Variants in HHLA2 observed in about 807,000 individuals in gnomAD.
The protein encoded by HHLA2 is HERV-H LTR-associating protein 2.
A neutral mutation model predicts 45.9 loss-of-function variants in HHLA2; 48 were observed. The observed-to-expected ratio is 1.05, with a 90% confidence interval of 0.83 to 1.33. HHLA2 has a LOEUF of 1.33. Ranked by LOEUF, HHLA2 falls within the 40% of genes most tolerant of loss-of-function variation. HHLA2 has a pLI of 0.00. For missense variants in HHLA2, 462 were observed against 494.3 expected (o/e 0.93, Z 0.62); for synonymous variants, 161 against 173.9 (o/e 0.93, Z 0.59).
chr3:108,300,857 T>G (rs540779853), intron 1 of HHLA2, among the ~76,000 whole-genome samples: 79 of 152,312 alleles, frequency 5.2e-4, no homozygotes, highest in African/African-American at 1.9e-3. Flanking sequence ...ATTTTAATAA[T>G]GCTGTCATAT....
At chr3:108,350,871 G>C (rs901850739) in intron 3 of HHLA2, among the ~76,000 whole-genome samples, 3 of 152,110 alleles carry the variant, frequency 2.0e-5, no homozygotes, top group African/African-American at 7.2e-5. Context: ...TTTTAGTAGA[G>C]ACAAGGTTTC....
intron 8 of HHLA2, among the ~76,000 whole-genome samples, chr3:108,363,733 C>T (rs2107488424): frequency 6.6e-6 from 1 of 152,248 alleles, no homozygotes; most frequent in East Asian, 1.9e-4. Context: ...GGTGCTACAT[C>T]CTACTCAAGA....
rs543068716 is a variant in HHLA2 at position 108,347,602 on chromosome 3, T to A, written c.-26-4186T>A. Reference sequence around the variant, plus strand: ...TAGAATGACTTCTTTTTTTAAAAAATATGACTCCTGACTGCTGTATTGACA... The same window carrying A: ...TAGAATGACTTCTTTTTTTAAAAAAAATGACTCCTGACTGCTGTATTGACA... On this transcript the variant is annotated intron_variant, in intron 3 of 10. Coordinates refer to ENST00000619531, the Ensembl canonical transcript of HHLA2. Among the ~76,000 whole-genome samples, 207 of 152,214 alleles carry A rather than the reference T, an allele frequency of 1.4e-3. 1 individual carries two copies. Among genetic ancestry groups the A allele is most frequent in the Admixed American group, 3.1e-3 (48 of 15,292 alleles).
At chr3:108,377,294 T>A (rs777242133) in exon 11 of HHLA2, 1 of 1,568,368 alleles carries the variant, frequency 6.4e-7, no homozygotes, top group South Asian at 1.1e-5. Flanking sequence ...GAGAGAAGAC[T>A]GTGACAACTC....
At chr3:108,319,905 G>T (rs757107776) in intron 2 of HHLA2, among the ~76,000 whole-genome samples, 2 of 152,178 alleles carry the variant, frequency 1.3e-5, no homozygotes, top group Non-Finnish European at 2.9e-5. Flanking sequence ...CTGTGGAGCA[G>T]ATTCGCCCCG....
chr3:108,302,540 G>A (rs1021194458), intron 1 of HHLA2: 6 of 148,000 alleles, frequency 4.1e-5, no homozygotes, highest in Non-Finnish European at 5.9e-5. Context: ...GTTTCATTTT[G>A]TTTTCCCTAA....
chr3:108,339,709 CTG>C (rs2081533542), intron 3 of HHLA2, among the ~76,000 whole-genome samples: 1 of 152,138 alleles, frequency 6.6e-6, no homozygotes, highest in African/African-American at 2.4e-5. Flanking sequence ...CTAGTAAACA[CTG>C]TTCATTGATT....
chr3:108,365,296 C>T (rs534209493), intron 8 of HHLA2, among the ~76,000 whole-genome samples: 41 of 152,208 alleles, frequency 2.7e-4, no homozygotes, highest in African/African-American at 9.1e-4. Flanking sequence ...TGTCAAAGAT[C>T]GAATGGTTGT....
chr3:108,353,747 G>A (rs1210576541), exon 5 of HHLA2: 5 of 1,612,494 alleles, frequency 3.1e-6, no homozygotes, highest in Non-Finnish European at 4.2e-6. Context: ...AGCAATTCAA[G>A]TGATTACAAA....
intron 2 of HHLA2, among the ~76,000 whole-genome samples, chr3:108,312,801 T>C (rs2081042315): frequency 1.3e-5 from 2 of 152,224 alleles, no homozygotes; most frequent in Admixed American, 1.3e-4. Context: ...TGCATGATAA[T>C]CACCATTTCT....
chr3:108,311,665 C>T (rs1340039020), intron 2 of HHLA2: 1 of 152,100 alleles, frequency 6.6e-6, no homozygotes, highest in Non-Finnish European at 1.5e-5. Context: ...TAGTTGAGAA[C>T]TAGAAACTGA....
chr3:108,374,315 T>A (rs1187377609), intron 8 of HHLA2, among the ~76,000 whole-genome samples: 1 of 151,918 alleles, frequency 6.6e-6, no homozygotes, highest in South Asian at 2.1e-4. Flanking sequence ...TTACACCTTA[T>A]ACAAAAATTA....
intron 5 of HHLA2, 76 bp from the exon 5 acceptor site, chr3:108,355,039 A>C (rs2081858552): frequency 7.0e-7 from 1 of 1,426,812 alleles, no homozygotes; most frequent in Non-Finnish European, 9.4e-7. Flanking sequence ...TGGATATTAA[A>C]AAGTATTCTG....
At chr3:108,361,205 G>A (rs940268982) in intron 7 of HHLA2, among the ~76,000 whole-genome samples, 2 of 152,154 alleles carry the variant, frequency 1.3e-5, no homozygotes, top group African/African-American at 4.8e-5. Context: ...CTCCTTTTCT[G>A]CAGTTTGTTA....
At chr3:108,370,467 G>A (rs1297504766) in intron 8 of HHLA2, among the ~76,000 whole-genome samples, 1 of 152,206 alleles carries the variant, frequency 6.6e-6, no homozygotes, top group Non-Finnish European at 1.5e-5. Context: ...ACGGAACAAA[G>A]CTGGACGGAG....
chr3:108,318,986 T>C (rs1033741621), intron 2 of HHLA2, among the ~76,000 whole-genome samples: 2 of 152,198 alleles, frequency 1.3e-5, no homozygotes, highest in Admixed American at 6.5e-5. Context: ...ACACATACAA[T>C]ATCACTCACA....
intron 8 of HHLA2, among the ~76,000 whole-genome samples, chr3:108,363,318 T>C (rs1560268233): frequency 6.6e-6 from 1 of 152,142 alleles, no homozygotes; most frequent in Non-Finnish European, 1.5e-5. Context: ...GATCATTTAA[T>C]ATCACCAAGC....
At position 108,348,648 on chromosome 3, in the gene HHLA2, CTT is replaced by C. The variant is rs71629350; in HGVS notation, c.-26-3129_-26-3128del. On this transcript the variant is annotated intron_variant, in intron 3 of 10. Coordinates refer to ENST00000619531, the Ensembl canonical transcript of HHLA2. The stretch of plus-strand genomic sequence containing the variant: ...GAAATATGATTGCAGGGACAAATTT[CTT>C]TTTTTTTTTTAATTATACTTTAAAT... 5.4e-5 allele frequency among the ~76,000 whole-genome samples: 8 copies of C among 149,224 alleles called. 1 individual carries two copies. Among genetic ancestry groups the C allele is most frequent in the Non-Finnish European group, 1.0e-4 (7 of 67,172 alleles).
intron 8 of HHLA2, among the ~76,000 whole-genome samples, chr3:108,370,018 A>G (rs1264980703): frequency 6.6e-6 from 1 of 151,100 alleles, no homozygotes; most frequent in Non-Finnish European, 1.5e-5. Flanking sequence ...TGCCTCCTCA[A>G]GTGGGTCCCT....
Sources: gnomAD v4.1 joint callset for allele counts (sites outside exome capture counted in the v4.1 genomes callset) on GRCh38, gnomAD v4.1.1 for gene constraint, MANE v1.5 for transcripts, NCBI Gene and HGNC (gene_info 2026-07-23, HGNC 2026-07-21) for gene names.